The following BPTF variants were observed in gnomAD, a reference collection of about 807,000 sequenced individuals.
The protein encoded by BPTF is nucleosome-remodeling factor subunit BPTF.
Under a neutral mutation model 292.5 loss-of-function variants are expected in BPTF, and 18 were observed. The observed-to-expected ratio is 0.06, with a 90% CI of 0.04 to 0.09. BPTF has a LOEUF of 0.09. BPTF is among the 10% of genes least tolerant of loss of function. The pLI is 1.00. For synonymous variants in BPTF, 1,225 were observed against 1,251.9 expected (o/e 0.98, Z 0.45); for missense variants, 2,726 against 3,498.7 (o/e 0.78, Z 5.57).
intron 1 of BPTF, 54 bp from the exon 2 acceptor site, chr17:67,853,886 T>A (rs2058556170): frequency 1.4e-6 from 2 of 1,402,526 alleles, no homozygotes. Context: ...ATAGGAAATT[T>A]GTAGAAATGA....
chr17:67,883,765 T>A (rs1362187409), intron 4 of BPTF, among the ~76,000 whole-genome samples: 1 of 152,192 alleles, frequency 6.6e-6, no homozygotes, highest in Non-Finnish European at 1.5e-5. Context: ...TGTGCCCAGC[T>A]AATTTTTGTA....
At chr17:67,916,765 C>CAAAAAAA (rs768285922) in intron 11 of BPTF, among the ~76,000 whole-genome samples, 7 of 56,378 alleles carry the variant, frequency 1.2e-4, no homozygotes, top group African/African-American at 4.0e-4. Flanking sequence ...TACTCTGTCT[C>CAAAAAAA]AAAAAAAAAA....
intron 3 of BPTF, among the ~76,000 whole-genome samples, chr17:67,869,827 C>CAAAAAAAAAAAAAAA (rs772941425): frequency 7.1e-5 from 4 of 56,446 alleles, no homozygotes; most frequent in African/African-American, 2.0e-4. Flanking sequence ...ACTAAAAATA[C>CAAAAAAAAAAAAAAA]AAAAAAAAAA....
At chr17:67,830,355 C>T (rs2056553785) in intron 1 of BPTF, among the ~76,000 whole-genome samples, 1 of 152,130 alleles carries the variant, frequency 6.6e-6, no homozygotes, top group African/African-American at 2.4e-5. Context: ...TGATTTATGT[C>T]CTCTAAGGAT....
chr17:67,918,459 A>G (rs1249360277), intron 11 of BPTF, among the ~76,000 whole-genome samples: 1 of 152,208 alleles, frequency 6.6e-6, no homozygotes, highest in Non-Finnish European at 1.5e-5. Context: ...TTCTCATTTT[A>G]TAAACTTATA....
At chr17:67,857,248 G>A (rs139214014) in intron 2 of BPTF, among the ~76,000 whole-genome samples, 75 of 141,428 alleles carry the variant, frequency 5.3e-4, no homozygotes, top group Non-Finnish European at 9.2e-4. Context: ...TGCAAGCTCC[G>A]CCTCCCGGGT....
At chr17:67,920,668 A>C (rs1232048486) in intron 13 of BPTF, among the ~76,000 whole-genome samples, 1 of 152,216 alleles carries the variant, frequency 6.6e-6, no homozygotes, top group African/African-American at 2.4e-5. Context: ...ATCTCAAGGA[A>C]GCAAAGTAAA....
Position 67,854,371 on chromosome 17 carries a change from G to A in BPTF, c.1045G>A (p.Ala349Thr), listed in dbSNP as rs755481528. 1.2e-6 allele frequency: 2 copies of A among 1,614,032 alleles called. No homozygotes were observed. The highest frequency in any genetic ancestry group is 2.7e-5 in the African/African-American group (2 of 74,896). The change falls in exon 2 of 28, where the codon GCA (alanine) becomes ACA (threonine). Residue 349 changes from alanine (A) to threonine (T), a missense_variant. By Grantham distance (58) the Ala-to-Thr change is moderately conservative. Coordinates refer to ENST00000306378, the MANE Select transcript of BPTF (RefSeq NM_182641.4). This position sits in a 1 kb window ranked among gnomAD's most constrained non-coding sequence, Gnocchi z 5.6. ...EYHHVLPYQE[A>T]EDYPYGPVEN... ...CCATCACGTTCTTCCTTACCAAGAG[G>A]CAGAGGACTACCCATATGGACCAGT...
chr17:67,844,070 CTTTTTT>C (rs35407119), intron 1 of BPTF, among the ~76,000 whole-genome samples: 1 of 94,352 alleles, frequency 1.1e-5, no homozygotes, highest in Non-Finnish European at 2.1e-5. Flanking sequence ...CGGCCCCCGC[CTTTTTT>C]TTTTTTTTTT....
intron 2 of BPTF, among the ~76,000 whole-genome samples, chr17:67,865,983 C>T (rs1401485054): frequency 1.5e-5 from 2 of 136,580 alleles, no homozygotes; most frequent in South Asian, 2.2e-4. Context: ...AGCTGGGTAT[C>T]GTGGCACATG....
At chr17:67,888,802 TG>T (rs767959144) in intron 4 of BPTF, among the ~76,000 whole-genome samples, 127 of 152,242 alleles carry the variant, frequency 8.3e-4, no homozygotes, top group Admixed American at 2.3e-3. Context: ...ATTCCCCTTC[TG>T]GAGGCCATTC....
chr17:67,835,999 A>G (rs1409123159), intron 1 of BPTF, among the ~76,000 whole-genome samples: 1 of 152,128 alleles, frequency 6.6e-6, no homozygotes, highest in Non-Finnish European at 1.5e-5. Flanking sequence ...AGTTATATAT[A>G]TAGGCCAGAA....
intron 4 of BPTF, 119 bp downstream of exon 4, chr17:67,875,139 A>G (rs2059977253): frequency 2.3e-6 from 2 of 853,452 alleles, no homozygotes; most frequent in African/African-American, 3.4e-5. Flanking sequence ...AATATTTCTA[A>G]AGAGATCAGG....
chr17:67,913,686 A>G (rs1004904096), intron 11 of BPTF, among the ~76,000 whole-genome samples: 3 of 152,210 alleles, frequency 2.0e-5, no homozygotes, highest in African/African-American at 7.2e-5. Flanking sequence ...TCTGTTATTT[A>G]TGTATGAATA....
chr17:67,938,701 T>C (rs1034224299), intron 18 of BPTF, among the ~76,000 whole-genome samples: 14 of 152,144 alleles, frequency 9.2e-5, no homozygotes, highest in African/African-American at 3.1e-4. Context: ...GATGAGAGAA[T>C]ACAAGAGAAC....
chr17:67,976,567 TC>T (rs1182536759), intron 27 of BPTF, among the ~76,000 whole-genome samples: 1 of 151,520 alleles, frequency 6.6e-6, no homozygotes, highest in Non-Finnish European at 1.5e-5. Flanking sequence ...GCACCTGTAG[TC>T]CTAGCTACTC....
intron 1 of BPTF, among the ~76,000 whole-genome samples, chr17:67,849,156 C>T (rs974015031): frequency 6.6e-5 from 10 of 152,164 alleles, no homozygotes; most frequent in East Asian, 3.9e-4. Flanking sequence ...TCAAACTTGC[C>T]GCACATCAGA....
intron 10 of BPTF, 32 bp downstream of exon 10, chr17:67,909,793 G>C: frequency 6.8e-7 from 1 of 1,473,524 alleles, no homozygotes; most frequent in Non-Finnish European, 9.0e-7. Flanking sequence ...GGGCAGCCTG[G>C]GGGTGATAAG....
intron 18 of BPTF, among the ~76,000 whole-genome samples, chr17:67,934,888 AAG>A (rs2064783785): frequency 1.3e-5 from 2 of 150,814 alleles, no homozygotes; most frequent in Non-Finnish European, 3.0e-5. Flanking sequence ...AAAAAAAAAA[AAG>A]CATGTAAGTA....
Sources: gnomAD v4.1 joint callset for allele counts (sites outside exome capture counted in the v4.1 genomes callset) on GRCh38, gnomAD v4.1.1 for gene constraint, Gnocchi (gnomAD v3.1) non-coding constraint, MANE v1.5 for transcripts, NCBI Gene and HGNC (gene_info 2026-07-23, HGNC 2026-07-21) for gene names.